The following AXDND1 variants were observed in gnomAD, a reference collection of about 807,000 sequenced individuals.
The protein encoded by AXDND1 is axonemal dynein light chain domain containing 1, also known as axonemal dynein light chain domain-containing protein 1.
A neutral mutation model predicts 137.5 loss-of-function variants in AXDND1; 110 were observed. The ratio of observed to expected loss-of-function variants is 0.80; its 90% CI spans 0.69 to 0.94. The LOEUF is 0.94. Among genes scored for constraint, AXDND1 ranks in the 40% least tolerant of loss-of-function variants. AXDND1 has a pLI of 0.00. For missense variants in AXDND1, 1,191 were observed against 1,169.8 expected, an observed-to-expected ratio of 1.02 and a Z score of -0.26; for synonymous variants, 414 against 399.7, an observed-to-expected ratio of 1.04 and a Z score of -0.43.
chr1:179,411,140 T>G lies in AXDND1; in HGVS notation c.1110-6T>G. The G allele has an allele frequency of 1.3e-6, 2 of 1,547,278 alleles. No individual in the cohort carries two copies. Among genetic ancestry groups the G allele is most frequent in the Non-Finnish European group, 1.7e-6 (2 of 1,144,934 alleles). On this transcript the variant is annotated splice_polypyrimidine_tract_variant and splice_region_variant and intron_variant, in intron 11 of 25. Coordinates refer to ENST00000367618, the MANE Select transcript of AXDND1 (RefSeq NM_144696.6). The stretch of plus-strand genomic sequence containing the variant: ...AAATGAAGCTGTTTCTTAATTGTTT[T>G]TATAGAATAGTAGAAGAATATCATG...
chr1:179,518,847 C>T (rs1340285359), intron 21 of AXDND1, among the ~76,000 whole-genome samples: 1 of 152,140 alleles, frequency 6.6e-6, no homozygotes, highest in Non-Finnish European at 1.5e-5. Context: ...CTGCAGTGAA[C>T]ATATGCATGC....
Position 179,432,345 on chromosome 1 carries a change from A to G in AXDND1, c.1563+3A>G, listed in dbSNP as rs773034658. ...TAGACTTCAAACAGTGGCAGAAGGT[A>G]AGACTTTTTAATAAAGAGCTTGGCA... On this transcript the variant is annotated splice_donor_region_variant and intron_variant, in intron 15 of 25. Coordinates refer to ENST00000367618, the MANE Select transcript of AXDND1 (RefSeq NM_144696.6). 2.5e-5 allele frequency: 39 copies of G among 1,564,052 alleles called. No homozygotes were observed. The East Asian group carries it at 8.4e-4, about 34-fold the overall frequency.
At position 179,383,477 on chromosome 1, in the gene AXDND1, A is replaced by G. The variant is rs771088909; in HGVS notation, c.674A>G (p.Asn225Ser). The G allele has an allele frequency of 6.2e-7, 1 of 1,614,034 alleles. No individual in the cohort carries two copies. The highest frequency in any genetic ancestry group is 1.7e-5 in the Admixed American group (1 of 60,014). Residue 225 changes from asparagine to serine, a missense_variant, in exon 8 of 26, where the codon AAT becomes AGT. Coordinates refer to ENST00000367618, the MANE Select transcript of AXDND1 (RefSeq NM_144696.6). ...AAAAGAGTAGAAGTGGCCCAGCTGA[A>G]TGATGTGATGGATACTATGCTAGAG... ...PNKRVEVAQL[N>S]DVMDTMLERA...
intron 20 of AXDND1, among the ~76,000 whole-genome samples, 200 bp downstream of exon 20, chr1:179,493,151 ACTC>A (rs1210755182): frequency 6.6e-6 from 1 of 152,066 alleles, no homozygotes; most frequent in Non-Finnish European, 1.5e-5. Flanking sequence ...GTTTCCTTGT[ACTC>A]CTCTTTTATT....
intron 21 of AXDND1, among the ~76,000 whole-genome samples, chr1:179,519,215 G>A (rs11581440): frequency 0.53 from 80,298 of 151,932 alleles, 21,291 homozygotes; most frequent in East Asian, 0.56. Flanking sequence ...CATGTCCTTT[G>A]CCCACTTTTT....
At chr1:179,402,716 C>T (rs1652295052) in intron 11 of AXDND1, among the ~76,000 whole-genome samples, 1 of 151,914 alleles carries the variant, frequency 6.6e-6, no homozygotes, top group Non-Finnish European at 1.5e-5. Context: ...TAGAACTACA[C>T]CTTCCCTTCC....
At chr1:179,395,237 G>C (rs12405133) in intron 11 of AXDND1, 35 bp downstream of exon 11, 162,450 of 1,541,836 alleles carry the variant, frequency 0.11, 11,398 homozygotes, top group East Asian at 0.36. Flanking sequence ...CTTACATAGG[G>C]GAAAAGGAAG....
intron 12 of AXDND1, among the ~76,000 whole-genome samples, chr1:179,411,703 A>G (rs1184944413): frequency 6.6e-6 from 1 of 151,894 alleles, no homozygotes; most frequent in East Asian, 1.9e-4. Context: ...TCTATGAAAT[A>G]TGAACAAGTG....
rs900290906 is a variant in AXDND1 at position 179,418,143 on chromosome 1, G to T, written c.1230+6877G>T. Reference sequence around the variant, plus strand: ...TAGGCAGAGGACCCTGCGGCCTTCCGCAGTGTTTGTGTCCCTGGGTACTTA... The same window carrying T: ...TAGGCAGAGGACCCTGCGGCCTTCCTCAGTGTTTGTGTCCCTGGGTACTTA... On this transcript the variant is annotated intron_variant, in intron 12 of 25. Transcript: ENST00000367618. Among the ~76,000 whole-genome samples the T allele has an allele frequency of 3.3e-5, 5 of 151,802 alleles. No homozygotes were observed. In the East Asian group the frequency reaches 9.7e-4, roughly 29 times the overall value.
chr1:179,503,121 G>C (rs983741863), intron 20 of AXDND1, among the ~76,000 whole-genome samples: 5 of 148,970 alleles, frequency 3.4e-5, no homozygotes, highest in Non-Finnish European at 7.4e-5. Flanking sequence ...GATATTCCAA[G>C]ATTATTTCTA....
At chr1:179,554,386 G>A in intron 25 of AXDND1, 126 bp from the exon 26 acceptor site, 2 of 1,522,012 alleles carry the variant, frequency 1.3e-6, no homozygotes, top group Non-Finnish European at 1.8e-6. Context: ...ATAGTACTCA[G>A]TGAAAATAAT....
intron 23 of AXDND1, among the ~76,000 whole-genome samples, chr1:179,533,579 G>A (rs147270544): frequency 2.0e-3 from 292 of 147,824 alleles, no homozygotes; most frequent in Non-Finnish European, 3.7e-3. Flanking sequence ...TTCACCTGAA[G>A]CACGAGTAAT....
In AXDND1 at chr1:179,527,962, G is replaced by A. The variant is rs150944103; in HGVS notation, c.2611-365G>A. Among the ~76,000 whole-genome samples the A allele has an allele frequency of 3.0e-3, 454 of 152,266 alleles. 3 individuals carry two copies. The highest frequency in any genetic ancestry group is 0.011 in the African/African-American group (441 of 41,552). On this transcript the variant is annotated intron_variant, in intron 22 of 25. Transcript: ENST00000367618. ...TAATAATTCCTGAAGTACCTAGGAA[G>A]AAGGCATGACCCTTTTCTGGGTGTG...
At chr1:179,428,467 C>T (rs549448149) in intron 12 of AXDND1, among the ~76,000 whole-genome samples, 2 of 152,388 alleles carry the variant, frequency 1.3e-5, no homozygotes, top group South Asian at 4.1e-4. Context: ...AACAGTATTT[C>T]ATTAAATGAC....
intron 16 of AXDND1, 46 bp downstream of exon 16, chr1:179,445,250 TC>T: frequency 8.1e-7 from 1 of 1,228,814 alleles, no homozygotes; most frequent in Non-Finnish European, 1.1e-6. Context: ...ATAAAATGTT[TC>T]CACAATAATT....
intron 25 of AXDND1, among the ~76,000 whole-genome samples, chr1:179,540,428 A>T (rs1433453402): frequency 6.6e-6 from 1 of 151,928 alleles, no homozygotes. Context: ...TCTGTTTGTT[A>T]GTTTTCCTTC....
At chr1:179,418,650 G>A (rs1449319435) in intron 12 of AXDND1, among the ~76,000 whole-genome samples, 4 of 147,186 alleles carry the variant, frequency 2.7e-5, no homozygotes, top group African/African-American at 7.4e-5. Context: ...CGGACGGGGC[G>A]GCTGGCCGGG....
chr1:179,466,441 A>G (rs76452166), intron 16 of AXDND1, among the ~76,000 whole-genome samples: 4,509 of 150,440 alleles, frequency 0.03, 251 homozygotes, highest in African/African-American at 0.1. Context: ...GTTATTTTCT[A>G]AGAATTATAA....
chr1:179,498,483 G>A (rs1311816766), intron 20 of AXDND1, among the ~76,000 whole-genome samples: 1 of 151,946 alleles, frequency 6.6e-6, no homozygotes, highest in Non-Finnish European at 1.5e-5. Flanking sequence ...TAAAAATCTG[G>A]GAAAACAAGA....
Sources: gnomAD v4.1 joint callset for allele counts (sites outside exome capture counted in the v4.1 genomes callset) on GRCh38, gnomAD v4.1.1 for gene constraint, MANE v1.5 for transcripts, NCBI Gene and HGNC (gene_info 2026-07-23, HGNC 2026-07-21) for gene names.